Variants in MYLK observed in about 807,000 individuals in gnomAD.
MYLK encodes myosin light chain kinase.
A neutral mutation model predicts 203.4 loss-of-function variants in MYLK; 106 were observed. The ratio of observed to expected loss-of-function variants is 0.52; its 90% CI spans 0.45 to 0.61. The LOEUF (loss-of-function observed/expected upper bound fraction) is 0.61, where lower values mean the gene tolerates loss of function less well. MYLK is among the 20% of genes least tolerant of loss of function. The probability of loss-of-function intolerance (pLI) is 0.00; values close to 1 mark genes in which losing one functional copy is unlikely to be tolerated. For missense variants in MYLK, 2,072 were observed against 2,442.3 expected (o/e 0.85, Z 3.20); for synonymous variants, 867 against 959.5 (o/e 0.90, Z 1.78).
At position 123,694,395 on chromosome 3, in the gene MYLK, G is replaced by C. The variant is rs752924177; in HGVS notation, c.3449-1544C>G. Among the ~76,000 whole-genome samples the C allele has an allele frequency of 3.5e-4, 54 of 152,152 alleles. 1 individual carries two copies. The highest frequency in any genetic ancestry group is 6.3e-4 in the Non-Finnish European group (43 of 68,036). ...TCTGTCATAAGAGTAAGAATCGTGA[G>C]GCACAGGAGTGGGGAATGAGGATAA... On this transcript the variant is annotated intron_variant, in intron 18 of 33. Coordinates refer to ENST00000360304, the MANE Select transcript of MYLK (RefSeq NM_053025.4).
intron 3 of MYLK, among the ~76,000 whole-genome samples, chr3:123,829,876 G>A (rs900883468): frequency 1.3e-5 from 2 of 152,206 alleles, no homozygotes; most frequent in African/African-American, 4.8e-5. Context: ...CTGACCAGAT[G>A]TATCTCAAGA....
chr3:123,659,432 C>T (rs780480532), intron 23 of MYLK, among the ~76,000 whole-genome samples: 13 of 152,172 alleles, frequency 8.5e-5, no homozygotes, highest in Admixed American at 2.6e-4. Context: ...ATATGTGATA[C>T]GTAAGACTTG....
intron 30 of MYLK, among the ~76,000 whole-genome samples, chr3:123,627,155 G>A (rs954674274): frequency 6.6e-6 from 1 of 152,230 alleles, no homozygotes; most frequent in Non-Finnish European, 1.5e-5. Context: ...ATGGGTTGGT[G>A]TTAATGAAAG....
chr3:123,647,426 C>A lies in MYLK; in HGVS notation c.4417G>T (p.Gly1473Trp). The change falls in exon 27 of 34, where the codon GGG becomes TGG. Residue 1473 changes from glycine to tryptophan, a missense_variant and splice_region_variant. Physicochemically the swap from Gly to Trp is radical, Grantham distance 184. This residue lies in a region of MYLK where 524 missense variants were observed against 782.4 expected (regional missense o/e 0.67). Coordinates refer to ENST00000360304, the MANE Select transcript of MYLK (RefSeq NM_053025.4). ...AGTCGAAAGACCTGTCCAAATTTCC[C>A]ACTGCAAATGAAAGGGGGAGGAGAG... Reference protein sequence around the residue: ...FYDIEERLGSGKFGQVFRLVE... With the variant: ...FYDIEERLGSWKFGQVFRLVE... 1 of 1,614,168 alleles carries A rather than the reference C, an allele frequency of 6.2e-7. No homozygotes were observed. The highest frequency in any genetic ancestry group is 8.5e-7 in the Non-Finnish European group (1 of 1,180,020).
chr3:123,752,870 C>A lies in MYLK; in HGVS notation c.166-332G>T, dbSNP rs1457717950. ...CACCTTAGACCAATTAGATTAGAAT[C>A]CCAGGGGGCCAGGACTGAGTACGGG... is the stretch of plus-strand genomic sequence containing the variant. On this transcript the variant is annotated intron_variant, in intron 4 of 33. Transcript: ENST00000360304. 1.3e-5 allele frequency among the ~76,000 whole-genome samples: 2 copies of A among 152,176 alleles called. 1 individual carries two copies. Among genetic ancestry groups the A allele is most frequent in the Non-Finnish European group, 2.9e-5 (2 of 68,032 alleles).
At chr3:123,748,353 G>A (rs1468036766) in intron 5 of MYLK, among the ~76,000 whole-genome samples, 3 of 152,314 alleles carry the variant, frequency 2.0e-5, no homozygotes, top group East Asian at 1.9e-4. Flanking sequence ...TGGAAATCAC[G>A]TTTCAACATG....
intron 20 of MYLK, chr3:123,681,761 C>T (rs918611040): frequency 8.7e-6 from 2 of 229,068 alleles, no homozygotes; most frequent in Non-Finnish European, 1.8e-5. Context: ...GGTATGTCCT[C>T]GGCACTAACA....
At chr3:123,754,635 A>G (rs2063307488) in intron 4 of MYLK, among the ~76,000 whole-genome samples, 1 of 152,312 alleles carries the variant, frequency 6.6e-6, no homozygotes, top group African/African-American at 2.4e-5. Context: ...AGCCACTGTA[A>G]TATAAAATGG....
At chr3:123,714,676 C>G (rs1415991222) in intron 13 of MYLK, among the ~76,000 whole-genome samples, 1 of 152,188 alleles carries the variant, frequency 6.6e-6, no homozygotes, top group Non-Finnish European at 1.5e-5. Flanking sequence ...CCAGAGAGGG[C>G]CTTCTTTCTG....
At chr3:123,695,559 A>G (rs1191457313) in intron 18 of MYLK, among the ~76,000 whole-genome samples, 2 of 152,252 alleles carry the variant, frequency 1.3e-5, no homozygotes, top group Admixed American at 1.3e-4. Context: ...ATAGTTTCTG[A>G]AAAAAGAAAA....
intron 2 of MYLK, among the ~76,000 whole-genome samples, chr3:123,854,035 C>A (rs1464869395): frequency 6.6e-6 from 1 of 151,692 alleles, no homozygotes; most frequent in Non-Finnish European, 1.5e-5. Flanking sequence ...CCCAAGGTAG[C>A]CTGCTGGAAG....
Position 123,647,405 on chromosome 3 carries a change from G to T in MYLK, c.4438C>A (p.Arg1480=). The T allele has an allele frequency of 6.2e-7, 1 of 1,614,142 alleles. No homozygotes were observed. The highest frequency in any genetic ancestry group is 1.1e-5 in the South Asian group (1 of 91,084). ...LGSGKFGQVF[R]LVEKKTRKVW... ...TTTCGAGTTTTCTTTTCTACAAGTCGAAAGACCTGTCCAAATTTCCCACTG... is the reference window on the plus strand; with the variant it reads ...TTTCGAGTTTTCTTTTCTACAAGTCTAAAGACCTGTCCAAATTTCCCACTG... The change falls in exon 27 of 34, where the codon CGA becomes AGA. Residue 1480 remains arginine (R), a synonymous_variant. Coordinates refer to ENST00000360304, the MANE Select transcript of MYLK (RefSeq NM_053025.4).
At chr3:123,685,580 G>T (rs530549931) in intron 19 of MYLK, among the ~76,000 whole-genome samples, 1 of 137,696 alleles carries the variant, frequency 7.3e-6, no homozygotes, top group South Asian at 2.4e-4. Context: ...CTCCAGCATG[G>T]ATGACAGAGT....
intron 18 of MYLK, among the ~76,000 whole-genome samples, 177 bp downstream of exon 18, chr3:123,699,843 T>C (rs566505707): frequency 1.3e-5 from 2 of 152,178 alleles, no homozygotes; most frequent in Non-Finnish European, 2.9e-5. Context: ...GACCTATCCT[T>C]GAGTTAGCAG....
At chr3:123,802,779 T>C (rs1194623374) in intron 3 of MYLK, among the ~76,000 whole-genome samples, 3 of 152,154 alleles carry the variant, frequency 2.0e-5, no homozygotes, top group African/African-American at 7.2e-5. Context: ...GCAAAAGTAA[T>C]TAAAGCCAGA....
chr3:123,793,730 G>C lies in MYLK; in HGVS notation c.112C>G (p.Pro38Ala). 1 of 1,614,168 alleles carries C rather than the reference G, an allele frequency of 6.2e-7. No homozygotes were observed. Among genetic ancestry groups the C allele is most frequent in the Non-Finnish European group, 8.5e-7 (1 of 1,180,032 alleles). Residue 38 changes from proline (P) to alanine (A), a missense_variant, in exon 4 of 34, where the codon CCC (proline) becomes GCC (alanine). By Grantham distance (27) the Pro-to-Ala change is conservative. This residue lies in a region of MYLK where 683 missense variants were observed against 643.8 expected (regional missense o/e 1.06). Coordinates refer to ENST00000360304, the MANE Select transcript of MYLK (RefSeq NM_053025.4). Reference sequence around the variant, plus strand: ...TCTTTGATGCAGAGGTTCCGAGGGGGCAAAATGAAAGCAGGGGCCTCTGTC... The same window carrying C: ...TCTTTGATGCAGAGGTTCCGAGGGGCCAAAATGAAAGCAGGGGCCTCTGTC... ...PLTEAPAFIL[P>A]PRNLCIKEGA...
At position 123,648,932 on chromosome 3, in the gene MYLK, C is replaced by T; in HGVS notation, c.4415+39G>A. ...CTAACTGTGAGACCCGCACCACCCTCACCCTGGGAGCCCAGAGGCAACTTC... is the reference window on the plus strand; with the variant it reads ...CTAACTGTGAGACCCGCACCACCCTTACCCTGGGAGCCCAGAGGCAACTTC... On this transcript the variant is annotated intron_variant, in intron 26 of 33. Transcript: ENST00000360304. This position sits in a 1 kb window ranked among gnomAD's most constrained non-coding sequence, Gnocchi z 4.5. 6.3e-7 allele frequency: 1 copy of T among 1,576,218 alleles called. No individual in the cohort carries two copies. The highest frequency in any genetic ancestry group is 8.7e-7 in the Non-Finnish European group (1 of 1,146,018).
At chr3:123,820,231 T>C (rs2065877541) in intron 3 of MYLK, among the ~76,000 whole-genome samples, 1 of 152,188 alleles carries the variant, frequency 6.6e-6, no homozygotes, top group Admixed American at 6.5e-5. Flanking sequence ...CTGAGAAATC[T>C]GGCCTAGAAC....
Position 123,614,381 on chromosome 3 carries a change from G to C in MYLK, c.5501-32C>G, listed in dbSNP as rs60174052. 0.022 allele frequency: 34,801 copies of C among 1,613,652 alleles called. 1,701 individuals are homozygous for C. The East Asian group carries it at 0.22, about 10-fold the overall frequency. ...CACAGGGAGAGAACACAAGTTGCAG[G>C]AACTGTTATTCAAAATTTCTTATCA... On this transcript the variant is annotated intron_variant, in intron 33 of 33. Transcript: ENST00000360304.
Sources: gnomAD v4.1 joint callset for allele counts (sites outside exome capture counted in the v4.1 genomes callset) on GRCh38, gnomAD v4.1.1 for gene constraint, gnomAD v4.1.1 regional missense constraint, Gnocchi (gnomAD v3.1) non-coding constraint, MANE v1.5 for transcripts, NCBI Gene and HGNC (gene_info 2026-07-23, HGNC 2026-07-21) for gene names.